The following EVI5 variants were observed in gnomAD, a reference collection of about 807,000 sequenced individuals.
EVI5 encodes ecotropic viral integration site 5 protein homolog.
A neutral mutation model predicts 112.0 loss-of-function variants in EVI5; 73 were observed. The observed-to-expected ratio is 0.65, with a 90% CI of 0.54 to 0.79. The LOEUF (loss-of-function observed/expected upper bound fraction) is 0.79, where lower values mean the gene tolerates loss of function less well. EVI5 is among the 30% of genes least tolerant of loss of function. The pLI is 0.00. For synonymous variants in EVI5, 305 were observed against 319.9 expected (o/e 0.95, Z 0.50); for missense variants, 900 against 968.8 (o/e 0.93, Z 0.94).
chr1:92,660,509 T>C (rs1384582877), intron 13 of EVI5, among the ~76,000 whole-genome samples: 2 of 151,994 alleles, frequency 1.3e-5, no homozygotes, highest in African/African-American at 4.8e-5. Flanking sequence ...GGTGTTACAT[T>C]GCACAGTAGA....
At chr1:92,664,413 A>T (rs920172718) in intron 11 of EVI5, among the ~76,000 whole-genome samples, 1 of 151,908 alleles carries the variant, frequency 6.6e-6, no homozygotes, top group Non-Finnish European at 1.5e-5. Flanking sequence ...TTCTTACAGC[A>T]TCATTCTCAT....
chr1:92,533,122 C>T (rs1663188226), intron 19 of EVI5, among the ~76,000 whole-genome samples: 1 of 151,684 alleles, frequency 6.6e-6, no homozygotes, highest in Non-Finnish European at 1.5e-5. Flanking sequence ...ACCACTGATC[C>T]CACAGAAATA....
intron 19 of EVI5, among the ~76,000 whole-genome samples, chr1:92,540,009 G>C (rs898799784): frequency 6.6e-6 from 1 of 152,086 alleles, no homozygotes; most frequent in Non-Finnish European, 1.5e-5. Context: ...CCATGTTGTG[G>C]CATGTGTCAG....
At chr1:92,779,499 G>A (rs1156318386) in intron 1 of EVI5, among the ~76,000 whole-genome samples, 1 of 151,638 alleles carries the variant, frequency 6.6e-6, no homozygotes, top group East Asian at 1.9e-4. Flanking sequence ...TCTAGCCTGG[G>A]TGGCTGAGAC....
At chr1:92,746,687 G>A (rs1285359609) in intron 1 of EVI5, among the ~76,000 whole-genome samples, 1 of 152,092 alleles carries the variant, frequency 6.6e-6, no homozygotes, top group East Asian at 1.9e-4. Context: ...GTGTCCAGCA[G>A]TTCAAGATCA....
intron 3 of EVI5, 39 bp downstream of exon 3, chr1:92,704,516 T>C (rs774507571): frequency 3.8e-6 from 5 of 1,323,292 alleles, no homozygotes; most frequent in South Asian, 1.6e-5. Flanking sequence ...TGACGCACTA[T>C]GGAATAAGAA....
intron 1 of EVI5, among the ~76,000 whole-genome samples, chr1:92,783,745 G>C (rs1167760108): frequency 6.7e-6 from 1 of 150,036 alleles, no homozygotes; most frequent in African/African-American, 2.5e-5. Flanking sequence ...GCAGGAGGTG[G>C]AGGTTGCAGT....
intron 18 of EVI5, among the ~76,000 whole-genome samples, chr1:92,569,316 T>C (rs1174790130): frequency 6.6e-6 from 1 of 152,244 alleles, no homozygotes; most frequent in East Asian, 1.9e-4. Flanking sequence ...TAGAGATTTA[T>C]GCAAAGAATC....
At chr1:92,554,617 T>C (rs1667422487) in intron 19 of EVI5, among the ~76,000 whole-genome samples, 1 of 152,132 alleles carries the variant, frequency 6.6e-6, no homozygotes, top group Non-Finnish European at 1.5e-5. Flanking sequence ...TTATCCAAGA[T>C]AAAACAGAAC....
chr1:92,672,048 G>A (rs563894761), intron 10 of EVI5, among the ~76,000 whole-genome samples: 70 of 151,842 alleles, frequency 4.6e-4, no homozygotes, highest in African/African-American at 1.2e-3. Flanking sequence ...CAAGGAATCC[G>A]CCCACCTTGG....
chr1:92,612,467 G>A (rs1652064084), intron 16 of EVI5, among the ~76,000 whole-genome samples: 1 of 152,096 alleles, frequency 6.6e-6, no homozygotes, highest in Non-Finnish European at 1.5e-5. Context: ...CCAGTACTTT[G>A]GGAGGCCGAG....
intron 18 of EVI5, among the ~76,000 whole-genome samples, chr1:92,599,252 A>G (rs774894687): frequency 6.6e-6 from 1 of 151,992 alleles, no homozygotes; most frequent in East Asian, 1.9e-4. Context: ...ATAATAATTT[A>G]TTAAAAGAAG....
chr1:92,783,155 A>G (rs1685081593), intron 1 of EVI5, among the ~76,000 whole-genome samples: 1 of 152,096 alleles, frequency 6.6e-6, no homozygotes, highest in African/African-American at 2.4e-5. Context: ...CTTTTTCTCT[A>G]TACTTCAATA....
At chr1:92,679,254 G>C (rs1376048517) in intron 9 of EVI5, among the ~76,000 whole-genome samples, 2 of 152,184 alleles carry the variant, frequency 1.3e-5, no homozygotes, top group Non-Finnish European at 2.9e-5. Flanking sequence ...GCCCCCATAA[G>C]TGGAGAAATG....
intron 1 of EVI5, among the ~76,000 whole-genome samples, chr1:92,781,939 AGTGAGATTCT>A (rs1684911324): frequency 7.7e-6 from 1 of 129,204 alleles, no homozygotes; most frequent in African/African-American, 3.0e-5. Flanking sequence ...TGGGCAACAG[AGTGAGATTCT>A]GTCTCAAAAA....
chr1:92,514,936 C>T (rs945416297), intron 19 of EVI5, among the ~76,000 whole-genome samples: 4 of 152,290 alleles, frequency 2.6e-5, no homozygotes, highest in East Asian at 1.9e-4. Context: ...AGCATATCAC[C>T]GTCACTTACT....
At chr1:92,593,989 T>C (rs1027514504) in intron 18 of EVI5, among the ~76,000 whole-genome samples, 1 of 152,196 alleles carries the variant, frequency 6.6e-6, no homozygotes, top group African/African-American at 2.4e-5. Flanking sequence ...AAAATGGTCA[T>C]ACTGTCCAAG....
chr1:92,779,850 G>C (rs913153338), intron 1 of EVI5, among the ~76,000 whole-genome samples: 1 of 152,214 alleles, frequency 6.6e-6, no homozygotes. Flanking sequence ...TATAGGGTCA[G>C]TGGAGAGGCA....
chr1:92,685,106 T>G (rs906714245), intron 9 of EVI5, among the ~76,000 whole-genome samples: 1 of 152,022 alleles, frequency 6.6e-6, no homozygotes, highest in African/African-American at 2.4e-5. Context: ...ATATACATTC[T>G]TCTCAGCACC....
Sources: gnomAD v4.1 joint callset for allele counts (sites outside exome capture counted in the v4.1 genomes callset) on GRCh38, gnomAD v4.1.1 for gene constraint, MANE v1.5 for transcripts, NCBI Gene and HGNC (gene_info 2026-07-23, HGNC 2026-07-21) for gene names.